Variants in MAPRE1 observed in about 807,000 individuals in gnomAD.
The protein encoded by MAPRE1 is microtubule-associated protein RP/EB family member 1.
Under a neutral mutation model 32.1 loss-of-function variants are expected in MAPRE1, and 5 were observed. The observed-to-expected ratio is 0.16, with a 90% CI of 0.08 to 0.33. MAPRE1 has a LOEUF of 0.33. Among genes scored for constraint, MAPRE1 ranks in the 10% least tolerant of loss-of-function variants. The pLI, the probability that MAPRE1 is intolerant of heterozygous loss-of-function variation, is 1.00. For missense variants in MAPRE1, 209 were observed against 327.2 expected (o/e 0.64, Z 2.79); for synonymous variants, 122 against 118.9 (o/e 1.03, Z -0.17).
At chr20:32,838,439 G>A (rs1313815116) in intron 4 of MAPRE1, among the ~76,000 whole-genome samples, 2 of 152,156 alleles carry the variant, frequency 1.3e-5, no homozygotes, top group African/African-American at 4.8e-5. Context: ...TAATGCTGCT[G>A]TGAACGTTCA....
At chr20:32,834,628 T>G (rs1772751275) in intron 3 of MAPRE1, among the ~76,000 whole-genome samples, 1 of 151,972 alleles carries the variant, frequency 6.6e-6, no homozygotes, top group South Asian at 2.1e-4. Context: ...AAATCAGGGT[T>G]TTTTTTTAAT....
intron 2 of MAPRE1, among the ~76,000 whole-genome samples, chr20:32,831,670 C>G (rs554283401): frequency 1.3e-5 from 2 of 151,714 alleles, no homozygotes; most frequent in East Asian, 3.9e-4. Context: ...GCAGCTGGGA[C>G]TACAGGCATA....
chr20:32,820,716 C>T (rs1050349736), intron 1 of MAPRE1, among the ~76,000 whole-genome samples: 3 of 152,138 alleles, frequency 2.0e-5, no homozygotes, highest in Non-Finnish European at 4.4e-5. Context: ...TTATGATGAG[C>T]AGGAGGACAG....
At position 32,848,622 on chromosome 20, in the gene MAPRE1, A is replaced by G. The variant is rs867191808; in HGVS notation, c.751-50A>G. 10 of 1,443,046 alleles carry G rather than the reference A, an allele frequency of 6.9e-6. No individual in the cohort carries two copies. The Middle Eastern group carries it at 8.7e-4, about 126-fold the overall frequency. 89.4% of individuals were successfully genotyped at this position (1,443,046 alleles called of 1,614,324 possible). On this transcript the variant is annotated intron_variant, in intron 6 of 6. Coordinates refer to ENST00000375571, the MANE Select transcript of MAPRE1 (RefSeq NM_012325.3). ...GTAAGTATGAGGAAAGTGAACTCACAGTAGAAATGGATCTTTCAGTGGCTT... is the reference window on the plus strand; with the variant it reads ...GTAAGTATGAGGAAAGTGAACTCACGGTAGAAATGGATCTTTCAGTGGCTT...
chr20:32,846,735 T>C lies in MAPRE1; in HGVS notation c.715T>C (p.Leu239=). Residue 239 remains leucine, a synonymous_variant, in exon 6 of 7, where the codon TTG becomes CTG. Coordinates refer to ENST00000375571, the MANE Select transcript of MAPRE1 (RefSeq NM_012325.3). The part of the protein sequence containing the change: ...QENEGENDPV[L]QRIVDILYAT... ...GAACGAGGGGGAAAACGACCCTGTATTGCAGAGGATTGTAGACATTCTGTA... is the reference window on the plus strand; with the variant it reads ...GAACGAGGGGGAAAACGACCCTGTACTGCAGAGGATTGTAGACATTCTGTA... 6.2e-7 allele frequency: 1 copy of C among 1,614,226 alleles called. No individual in the cohort carries two copies. Among genetic ancestry groups the C allele is most frequent in the Non-Finnish European group, 8.5e-7 (1 of 1,180,044 alleles).
chr20:32,833,659 G>A (rs1555846824), intron 2 of MAPRE1, 58 bp from the exon 3 acceptor site: 2 of 1,521,670 alleles, frequency 1.3e-6, no homozygotes, highest in Non-Finnish European at 1.8e-6. Flanking sequence ...AAGTGGGTCT[G>A]GGAAGAAGTT....
In MAPRE1 at chr20:32,847,177, G is replaced by A. The variant is rs558607827; in HGVS notation, c.750+407G>A. Among the ~76,000 whole-genome samples the A allele has an allele frequency of 3.9e-5, 6 of 152,252 alleles. No homozygotes were observed. The South Asian group carries it at 6.2e-4, about 16-fold the overall frequency. On this transcript the variant is annotated intron_variant, in intron 6 of 6. Transcript: ENST00000375571. ...AGGCACATGCTCCCTTTTTCACGGC[G>A]TGCCCACATATCACGTCATGTCTGG... is the stretch of plus-strand genomic sequence containing the variant.
intron 2 of MAPRE1, among the ~76,000 whole-genome samples, chr20:32,831,715 A>G (rs1983031994): frequency 6.6e-6 from 1 of 151,664 alleles, no homozygotes; most frequent in Non-Finnish European, 1.5e-5. Flanking sequence ...TTGTATTTTT[A>G]ATAGAGACGG....
intron 2 of MAPRE1, among the ~76,000 whole-genome samples, chr20:32,829,479 C>G (rs1238478820): frequency 2.6e-5 from 4 of 152,148 alleles, no homozygotes; most frequent in Non-Finnish European, 5.9e-5. Flanking sequence ...GAAGAAGGCC[C>G]GCTGCCAGGG....
In MAPRE1 at chr20:32,848,889, T is replaced by A. The variant is rs1983577063; in HGVS notation, c.*161T>A. On this transcript the variant is annotated 3_prime_UTR_variant, in exon 7 of 7. Coordinates refer to ENST00000375571, the MANE Select transcript of MAPRE1 (RefSeq NM_012325.3). ...CACTTTGCAGACGTTTCACTCCTTT[T>A]CCAATAAGTTTGAGTTAGGAGCTTT... 1.8e-6 allele frequency: 1 copy of A among 550,272 alleles called. No homozygotes were observed. Among genetic ancestry groups the A allele is most frequent in the East Asian group, 3.1e-5 (1 of 31,818 alleles). 34.1% of individuals were successfully genotyped at this position (550,272 alleles called of 1,614,324 possible).
intron 1 of MAPRE1, among the ~76,000 whole-genome samples, chr20:32,824,963 C>G (rs1363069908): frequency 6.6e-6 from 1 of 151,742 alleles, no homozygotes; most frequent in Non-Finnish European, 1.5e-5. Flanking sequence ...ACCAGCCTGG[C>G]TAACATGCTG....
Position 32,836,693 on chromosome 20 carries a change from G to C in MAPRE1, c.327G>C (p.Gln109His). The C allele has an allele frequency of 6.2e-7, 1 of 1,613,616 alleles. No individual in the cohort carries two copies. The highest frequency in any genetic ancestry group is 8.5e-7 in the Non-Finnish European group (1 of 1,179,608). The change falls in exon 4 of 7, where the codon CAG becomes CAC. Residue 109 changes from glutamine to histidine, a missense_variant. This residue lies in a region of MAPRE1 where 67 missense variants were observed against 140.0 expected (regional missense o/e 0.48). Coordinates refer to ENST00000375571, the MANE Select transcript of MAPRE1 (RefSeq NM_012325.3). Reference protein sequence around the residue: ...GKFQDNFEFVQWFKKFFDANY... With the variant: ...GKFQDNFEFVHWFKKFFDANY... ...TTCAGGACAATTTTGAATTCGTTCA[G>C]TGGTTCAAGAAGTTTTTCGATGCAA...
chr20:32,842,568 A>G (rs1409436084), intron 5 of MAPRE1, among the ~76,000 whole-genome samples: 2 of 152,230 alleles, frequency 1.3e-5, no homozygotes, highest in Non-Finnish European at 2.9e-5. Flanking sequence ...TCCCTGCTGA[A>G]TGGGGAATTG....
chr20:32,844,989 CTGTA>C (rs35343459), intron 5 of MAPRE1, among the ~76,000 whole-genome samples: 7,734 of 150,362 alleles, frequency 0.051, 411 homozygotes, highest in African/African-American at 0.14. Flanking sequence ...AGTAGCTGTA[CTGTA>C]TGTATGTATG....
chr20:32,833,473 G>T (rs1051294691), intron 2 of MAPRE1, among the ~76,000 whole-genome samples: 2 of 152,054 alleles, frequency 1.3e-5, no homozygotes, highest in African/African-American at 2.4e-5. Flanking sequence ...TTAAAATTTT[G>T]TAGAAACACT....
In MAPRE1 at chr20:32,844,439, CTTTTTTTTTTTT is replaced by C. The variant is rs71190880; in HGVS notation, c.598-2159_598-2148del. Among the ~76,000 whole-genome samples the C allele has an allele frequency of 2.4e-3, 124 of 52,062 alleles. 1 individual carries two copies. The highest frequency in any genetic ancestry group is 8.2e-3 in the South Asian group (7 of 852). The allele number at this position is 52,062 out of a possible 152,430, so 34.2% of individuals were successfully genotyped here. A position where few individuals can be genotyped will look rare whatever the true frequency, so the allele number is the denominator to read the frequency against. On this transcript the variant is annotated intron_variant, in intron 5 of 6. Coordinates refer to ENST00000375571, the MANE Select transcript of MAPRE1 (RefSeq NM_012325.3). Reference sequence around the variant, plus strand: ...CTAGGTGGATACCAAGCTAGCATTCCTTTTTTTTTTTTTTTTTTTTTTTTTTTTTTTGTGGCG... The same window carrying C: ...CTAGGTGGATACCAAGCTAGCATTCCTTTTTTTTTTTTTTTTTTTGTGGCG...
At chr20:32,828,182 G>A (rs955122027) in intron 2 of MAPRE1, among the ~76,000 whole-genome samples, 1 of 151,990 alleles carries the variant, frequency 6.6e-6, no homozygotes, top group Admixed American at 6.6e-5. Context: ...CCTTAGATCT[G>A]TGCTGTGTCC....
rs1983111387 is a variant in MAPRE1 at position 32,833,945 on chromosome 20, A to T, written c.267+83A>T. Reference sequence around the variant, plus strand: ...GGTAGATGCTAGCTTATGACTTTGGACATTTTCTTTTTTTTCTTAATTTAT... The same window carrying T: ...GGTAGATGCTAGCTTATGACTTTGGTCATTTTCTTTTTTTTCTTAATTTAT... On this transcript the variant is annotated intron_variant, in intron 3 of 6. Transcript: ENST00000375571. The T allele has an allele frequency of 2.3e-6, 3 of 1,318,644 alleles. No individual in the cohort carries two copies. In the African/African-American group the frequency reaches 4.5e-5, roughly 20 times the overall value. 81.7% of individuals were successfully genotyped at this position (1,318,644 alleles called of 1,614,324 possible).
intron 2 of MAPRE1, among the ~76,000 whole-genome samples, chr20:32,832,465 T>C (rs1333428782): frequency 7.0e-6 from 1 of 142,530 alleles, no homozygotes; most frequent in East Asian, 2.0e-4. Context: ...TACAGTAGTC[T>C]CTTTTTTTTT....
Sources: gnomAD v4.1 joint callset for allele counts (sites outside exome capture counted in the v4.1 genomes callset) on GRCh38, gnomAD v4.1.1 for gene constraint, gnomAD v4.1.1 regional missense constraint, MANE v1.5 for transcripts, NCBI Gene and HGNC (gene_info 2026-07-23, HGNC 2026-07-21) for gene names.